TOM1L2: variants seen among roughly 807,000 people sequenced by gnomAD.
TOM1L2 encodes TOM1-like protein 2.
Under a neutral mutation model 67.9 loss-of-function variants are expected in TOM1L2, and 31 were observed. The ratio of observed to expected loss-of-function variants is 0.46; its 90% CI spans 0.34 to 0.62. TOM1L2 has a LOEUF of 0.62. TOM1L2 is among the 20% of genes least tolerant of loss of function. The pLI is 0.01. For synonymous variants in TOM1L2, 256 were observed against 254.0 expected, an observed-to-expected ratio of 1.01 and a Z score of -0.07; for missense variants, 606 against 663.5, an observed-to-expected ratio of 0.91 and a Z score of 0.95.
intron 1 of TOM1L2, among the ~76,000 whole-genome samples, chr17:17,955,852 T>A (rs1247260377): frequency 6.6e-6 from 1 of 152,222 alleles, no homozygotes; most frequent in Non-Finnish European, 1.5e-5. Flanking sequence ...GGGTTCGTAG[T>A]CTCGCTGGCT....
chr17:17,899,253 C>T (rs1052543990), intron 2 of TOM1L2, among the ~76,000 whole-genome samples: 32 of 152,296 alleles, frequency 2.1e-4, no homozygotes, highest in African/African-American at 7.5e-4. Context: ...CAGAAGAGAG[C>T]GTGCCAGGTC....
intron 1 of TOM1L2, among the ~76,000 whole-genome samples, chr17:17,915,781 C>A (rs1382312346): frequency 1.3e-5 from 2 of 151,802 alleles, no homozygotes; most frequent in Admixed American, 6.6e-5. Context: ...CTTGGCCCCC[C>A]AAAGTACTAG....
At chr17:17,849,261 C>T (rs973640936) in intron 13 of TOM1L2, among the ~76,000 whole-genome samples, 2 of 152,192 alleles carry the variant, frequency 1.3e-5, no homozygotes, top group Non-Finnish European at 2.9e-5. Flanking sequence ...CACAGGGTCA[C>T]GTGTGCCCAA....
chr17:17,903,871 A>AG (rs1491126053), intron 2 of TOM1L2, among the ~76,000 whole-genome samples: 42 of 151,558 alleles, frequency 2.8e-4, no homozygotes, highest in African/African-American at 9.2e-4. Flanking sequence ...CTACTTAGTG[A>AG]AAGAGGTGAC....
intron 4 of TOM1L2, among the ~76,000 whole-genome samples, chr17:17,892,633 C>T (rs1343330462): frequency 6.6e-6 from 1 of 152,042 alleles, no homozygotes; most frequent in Non-Finnish European, 1.5e-5. Flanking sequence ...AGCCCTGCCC[C>T]CAACATTCTT....
At position 17,925,218 on chromosome 17, in the gene TOM1L2, T is replaced by C. The variant is rs149193716; in HGVS notation, c.53-17687A>G. ...TTACCTAGTCTCAGGTATTTCTTTA[T>C]GGCAATGCAAGAACAACCTAATACA... is the stretch of plus-strand genomic sequence containing the variant. On this transcript the variant is annotated intron_variant, in intron 1 of 14. Transcript: ENST00000379504. Among the ~76,000 whole-genome samples the C allele has an allele frequency of 6.3e-3, 964 of 152,322 alleles. 9 individuals carry two copies. Among genetic ancestry groups the C allele is most frequent in the Non-Finnish European group, 7.1e-3 (485 of 68,028 alleles).
chr17:17,925,897 G>A (rs896946140), intron 1 of TOM1L2, among the ~76,000 whole-genome samples: 3 of 150,460 alleles, frequency 2.0e-5, no homozygotes, highest in Non-Finnish European at 4.4e-5. Flanking sequence ...TAGGTTAGTC[G>A]TGGTGCCTCA....
chr17:17,872,003 C>T, intron 7 of TOM1L2: 1 of 985,494 alleles, frequency 1.0e-6, no homozygotes, highest in Non-Finnish European at 1.2e-6. Context: ...CCAGGCCAGG[C>T]AGGAGAGGGG....
chr17:17,865,309 C>T (rs1409794349), intron 10 of TOM1L2, among the ~76,000 whole-genome samples: 1 of 152,252 alleles, frequency 6.6e-6, no homozygotes, highest in Non-Finnish European at 1.5e-5. Flanking sequence ...CCTGATGTGG[C>T]TTCAGCATCC....
chr17:17,945,267 TACACACACACACAC>T (rs143501362), intron 1 of TOM1L2, among the ~76,000 whole-genome samples: 2 of 147,154 alleles, frequency 1.4e-5, no homozygotes, highest in East Asian at 2.0e-4. Flanking sequence ...CACACACACA[TACACACACACACAC>T]ACACACACAC....
At chr17:17,958,546 C>G (rs1743077787) in intron 1 of TOM1L2, among the ~76,000 whole-genome samples, 1 of 152,120 alleles carries the variant, frequency 6.6e-6, no homozygotes, top group Non-Finnish European at 1.5e-5. Context: ...ACTTACTACC[C>G]CATGCTTACC....
intron 4 of TOM1L2, among the ~76,000 whole-genome samples, chr17:17,890,588 G>A (rs895446055): frequency 3.9e-5 from 6 of 152,150 alleles, no homozygotes; most frequent in African/African-American, 1.2e-4. Flanking sequence ...CAATGGCAAC[G>A]AAAGACCTAG....
chr17:17,913,711 T>C (rs544761931), intron 1 of TOM1L2, among the ~76,000 whole-genome samples: 5 of 152,192 alleles, frequency 3.3e-5, no homozygotes, highest in Non-Finnish European at 7.3e-5. Context: ...AGTAATTGAA[T>C]AGAATGCACT....
intron 6 of TOM1L2, among the ~76,000 whole-genome samples, chr17:17,880,965 T>TC (rs2037691585): frequency 6.6e-6 from 1 of 152,186 alleles, no homozygotes; most frequent in African/African-American, 2.4e-5. Context: ...CACTCCCGCC[T>TC]CCTCAGGTTC....
intron 1 of TOM1L2, among the ~76,000 whole-genome samples, chr17:17,930,471 A>G (rs2040284401): frequency 6.6e-6 from 1 of 152,162 alleles, no homozygotes; most frequent in Non-Finnish European, 1.5e-5. Flanking sequence ...CCCTCCTGAC[A>G]CTTGGGGCTC....
At chr17:17,860,322 G>T (rs1276619919) in intron 12 of TOM1L2, among the ~76,000 whole-genome samples, 1 of 152,226 alleles carries the variant, frequency 6.6e-6, no homozygotes, top group Non-Finnish European at 1.5e-5. Flanking sequence ...AGGGGTTCAG[G>T]TGGCACTGCC....
chr17:17,909,861 T>C (rs183944886), intron 1 of TOM1L2, among the ~76,000 whole-genome samples: 2 of 152,292 alleles, frequency 1.3e-5, no homozygotes, highest in African/African-American at 2.4e-5. Flanking sequence ...AGACATTGTT[T>C]CTACAAAAAA....
Position 17,866,865 on chromosome 17 carries a change from G to A in TOM1L2, c.960+11C>T. ...CCTCAGGAGATGACAGGATTCTGAA[G>A]GAATACTTACTCCATTACTGGCATT... On this transcript the variant is annotated intron_variant, in intron 9 of 14. Coordinates refer to ENST00000379504, the MANE Select transcript of TOM1L2 (RefSeq NM_001082968.2). 1 of 1,613,602 alleles carries A rather than the reference G, an allele frequency of 6.2e-7. No individual in the cohort carries two copies. The highest frequency in any genetic ancestry group is 8.5e-7 in the Non-Finnish European group (1 of 1,179,560).
intron 1 of TOM1L2, among the ~76,000 whole-genome samples, chr17:17,931,010 C>G (rs1187519458): frequency 6.6e-6 from 1 of 152,144 alleles, no homozygotes; most frequent in African/African-American, 2.4e-5. Flanking sequence ...TCTTCAACAA[C>G]AGTTTCATAT....
Sources: allele counts gnomAD v4.1 joint callset (sites outside exome capture counted in the v4.1 genomes callset), GRCh38; gene constraint gnomAD v4.1.1; transcripts MANE v1.5; gene names NCBI Gene and HGNC (gene_info 2026-07-23, HGNC 2026-07-21).